The following DOK6 variants were observed in gnomAD, a reference collection of about 807,000 sequenced individuals.
DOK6 encodes docking protein 6, also known as downstream of tyrosine kinase 6.
Under a neutral mutation model 44.0 loss-of-function variants are expected in DOK6, and 22 were observed. The ratio of observed to expected loss-of-function variants is 0.50; its 90% CI spans 0.36 to 0.71. The LOEUF (loss-of-function observed/expected upper bound fraction) is 0.71. Ranked by LOEUF, DOK6 falls within the 30% of genes least tolerant of loss-of-function variation. The pLI is 0.00. For missense variants in DOK6, 340 were observed against 416.4 expected (o/e 0.82, Z 1.60); for synonymous variants, 166 against 145.5 (o/e 1.14, Z -1.01).
At chr18:69,542,338 G>T (rs1982291602) in intron 1 of DOK6, among the ~76,000 whole-genome samples, 1 of 151,402 alleles carries the variant, frequency 6.6e-6, no homozygotes, top group Non-Finnish European at 1.5e-5. Context: ...ATTTGGGTGT[G>T]GCTTAAACTA....
chr18:69,597,821 G>A (rs1177515004), intron 2 of DOK6, among the ~76,000 whole-genome samples: 4 of 152,182 alleles, frequency 2.6e-5, no homozygotes, highest in Non-Finnish European at 4.4e-5. Context: ...ACATGCACAT[G>A]TCTACAAATG....
chr18:69,466,650 A>C (rs1348363889), intron 1 of DOK6, among the ~76,000 whole-genome samples: 1 of 152,082 alleles, frequency 6.6e-6, no homozygotes, highest in African/African-American at 2.4e-5. Context: ...AAATTTTTCA[A>C]AAACAAAAAA....
At chr18:69,824,826 G>T (rs554477843) in intron 7 of DOK6, among the ~76,000 whole-genome samples, 1 of 152,304 alleles carries the variant, frequency 6.6e-6, no homozygotes, top group South Asian at 2.1e-4. Flanking sequence ...TTGCGGCTCC[G>T]CAGGACTGAA....
At chr18:69,528,150 G>A (rs145106752) in intron 1 of DOK6, among the ~76,000 whole-genome samples, 20 of 130,756 alleles carry the variant, frequency 1.5e-4, no homozygotes, top group East Asian at 1.1e-3. Flanking sequence ...GTGACAGAGC[G>A]AGACTCTGTC....
chr18:69,657,459 G>A (rs7230599), intron 3 of DOK6, among the ~76,000 whole-genome samples: 29,611 of 151,982 alleles, frequency 0.19, 3,215 homozygotes, highest in Middle Eastern at 0.28. Flanking sequence ...TGACCACAAG[G>A]TCAGGAGTAG....
At chr18:69,447,012 C>T (rs1429604393) in intron 1 of DOK6, among the ~76,000 whole-genome samples, 1 of 152,164 alleles carries the variant, frequency 6.6e-6, no homozygotes, top group Non-Finnish European at 1.5e-5. Flanking sequence ...GTTGCCTGTT[C>T]ACTCTGATGG....
At chr18:69,607,061 A>G (rs917792630) in intron 3 of DOK6, among the ~76,000 whole-genome samples, 1 of 152,176 alleles carries the variant, frequency 6.6e-6, no homozygotes, top group African/African-American at 2.4e-5. Context: ...CCCAAGTCCC[A>G]AAGAGGCAAT....
At chr18:69,681,820 C>T (rs1162242637) in intron 4 of DOK6, among the ~76,000 whole-genome samples, 3 of 152,136 alleles carry the variant, frequency 2.0e-5, no homozygotes, top group Admixed American at 6.6e-5. Context: ...AAGTGAACGT[C>T]GTAACCAAGA....
chr18:69,696,139 T>G (rs550746659), intron 4 of DOK6, among the ~76,000 whole-genome samples: 2 of 152,346 alleles, frequency 1.3e-5, no homozygotes, highest in East Asian at 3.9e-4. Flanking sequence ...TAAATTTACT[T>G]ACTTGATTTT....
chr18:69,584,041 G>A (rs1279218773), intron 2 of DOK6, among the ~76,000 whole-genome samples: 2 of 150,352 alleles, frequency 1.3e-5, no homozygotes, highest in Non-Finnish European at 3.0e-5. Flanking sequence ...CCGGGAGGCG[G>A]AGCTTGCAGT....
At chr18:69,481,709 G>A (rs9675945) in intron 1 of DOK6, among the ~76,000 whole-genome samples, 36,150 of 151,880 alleles carry the variant, frequency 0.24, 4,623 homozygotes, top group East Asian at 0.53. Context: ...TTATAGCAGC[G>A]TGATTTATAA....
At chr18:69,712,732 A>G in intron 5 of DOK6, among the ~76,000 whole-genome samples, 1 of 152,128 alleles carries the variant, frequency 6.6e-6, no homozygotes, top group East Asian at 1.9e-4. Context: ...CTGTAGTCCC[A>G]GCTACTCAGG....
At chr18:69,532,798 G>T (rs1367940439) in intron 1 of DOK6, 4 of 152,240 alleles carry the variant, frequency 2.6e-5, no homozygotes, top group Non-Finnish European at 5.9e-5. Flanking sequence ...GAAGGTTGAG[G>T]CTGCAGTGAG....
chr18:69,806,211 T>C (rs1027462407), intron 7 of DOK6, among the ~76,000 whole-genome samples: 1 of 152,002 alleles, frequency 6.6e-6, no homozygotes, highest in African/African-American at 2.4e-5. Flanking sequence ...ATGTCATTAA[T>C]GGTATCCACA....
At chr18:69,508,734 G>A (rs904571349) in intron 1 of DOK6, among the ~76,000 whole-genome samples, 3 of 151,902 alleles carry the variant, frequency 2.0e-5, no homozygotes, top group Non-Finnish European at 4.4e-5. Flanking sequence ...CTATAGCAGA[G>A]ATATTTTTTC....
intron 2 of DOK6, among the ~76,000 whole-genome samples, chr18:69,595,393 TC>T (rs1983717609): frequency 6.6e-6 from 1 of 152,186 alleles, no homozygotes; most frequent in Non-Finnish European, 1.5e-5. Context: ...TGTTGGTCTT[TC>T]TTAAGGCAAG....
chr18:69,411,104 A>G (rs1978304117), intron 1 of DOK6, among the ~76,000 whole-genome samples: 1 of 152,172 alleles, frequency 6.6e-6, no homozygotes, highest in Non-Finnish European at 1.5e-5. Context: ...GATAGTAGGT[A>G]CCCTTGTGGT....
chr18:69,700,967 T>C (rs1317843257), intron 5 of DOK6, among the ~76,000 whole-genome samples: 1 of 152,244 alleles, frequency 6.6e-6, no homozygotes, highest in Non-Finnish European at 1.5e-5. Flanking sequence ...GCTATTTATT[T>C]ATACTACTAT....
At chr18:69,743,549 G>A (rs1183652723) in intron 6 of DOK6, among the ~76,000 whole-genome samples, 1 of 152,058 alleles carries the variant, frequency 6.6e-6, no homozygotes, top group Non-Finnish European at 1.5e-5. Context: ...TGCTTTACAT[G>A]CACACACATG....
Sources: gnomAD v4.1 joint callset for allele counts (sites outside exome capture counted in the v4.1 genomes callset) on GRCh38, gnomAD v4.1.1 for gene constraint, MANE v1.5 for transcripts, NCBI Gene and HGNC (gene_info 2026-07-23, HGNC 2026-07-21) for gene names.